The following PRR5L variants were observed in gnomAD, a reference collection of about 807,000 sequenced individuals.
PRR5L encodes proline rich 5 like.
Under a neutral mutation model 36.4 loss-of-function variants are expected in PRR5L, and 21 were observed. That is an observed-to-expected ratio of 0.58 (90% CI 0.41 to 0.83). PRR5L has a LOEUF of 0.83. Among genes scored for constraint, PRR5L ranks in the 40% least tolerant of loss-of-function variants. PRR5L has a pLI of 0.00. For synonymous variants in PRR5L, 188 were observed against 197.0 expected (o/e 0.95, Z 0.38); for missense variants, 381 against 473.3 (o/e 0.80, Z 1.81).
intron 1 of PRR5L, among the ~76,000 whole-genome samples, chr11:36,328,611 T>A (rs1248393920): frequency 6.6e-6 from 1 of 152,172 alleles, no homozygotes; most frequent in African/African-American, 2.4e-5. Flanking sequence ...GCCAATCAGA[T>A]CTTTTTTCTT....
chr11:36,368,336 G>T (rs1021543891), intron 1 of PRR5L, among the ~76,000 whole-genome samples: 2 of 152,044 alleles, frequency 1.3e-5, no homozygotes, highest in African/African-American at 4.8e-5. Flanking sequence ...TTTAGGGAGG[G>T]ATTGTGGTCT....
chr11:36,376,498 G>A, intron 1 of PRR5L: 1 of 1,065,704 alleles, frequency 9.4e-7, no homozygotes, highest in Non-Finnish European at 1.1e-6. Context: ...CCATCTGAGG[G>A]CAGAGCTGGG....
At chr11:36,406,398 C>G (rs1011076798) in intron 3 of PRR5L, among the ~76,000 whole-genome samples, 11 of 152,272 alleles carry the variant, frequency 7.2e-5, no homozygotes, top group African/African-American at 2.6e-4. Flanking sequence ...ACCTTACATT[C>G]TAGCCACACT....
intron 1 of PRR5L, among the ~76,000 whole-genome samples, chr11:36,326,302 TACACACACACACACAC>T (rs3083243): frequency 1.4e-5 from 2 of 147,376 alleles, no homozygotes; most frequent in African/African-American, 5.1e-5. Context: ...CCCCAATAGA[TACACACACACACACAC>T]ACACACACAC....
intron 1 of PRR5L, among the ~76,000 whole-genome samples, chr11:36,363,865 TA>T (rs1327090961): frequency 6.6e-6 from 1 of 152,234 alleles, no homozygotes; most frequent in Non-Finnish European, 1.5e-5. Context: ...CCAGGAAATC[TA>T]AATTGAACAG....
chr11:36,376,220 G>T (rs1857255931), intron 1 of PRR5L: 7 of 1,286,744 alleles, frequency 5.4e-6, no homozygotes, highest in Non-Finnish European at 7.2e-6. Flanking sequence ...AAGGGGAGGA[G>T]GAGTGAGATG....
chr11:36,428,253 G>T (rs958367205), intron 4 of PRR5L, among the ~76,000 whole-genome samples: 7 of 152,218 alleles, frequency 4.6e-5, no homozygotes, highest in African/African-American at 1.7e-4. Context: ...GGCCATGGGT[G>T]AGCTGGGGCT....
chr11:36,435,732 G>T (rs1456084238), intron 5 of PRR5L, among the ~76,000 whole-genome samples: 1 of 152,132 alleles, frequency 6.6e-6, no homozygotes, highest in African/African-American at 2.4e-5. Flanking sequence ...AGGAGCAAAG[G>T]AAAATGTTCA....
rs377337551 is a variant in PRR5L at position 36,451,217 on chromosome 11, C to G, written c.594C>G (p.His198Gln). Residue 198 changes from histidine to glutamine, a missense_variant, in exon 8 of 9, where the codon CAC becomes CAG. By Grantham distance (24) the His-to-Gln change is conservative. Transcript: ENST00000530639. Reference sequence around the variant, plus strand: ...GGCTGTTCATTTTCCAGAGTGTTCACGAGCCCACAGGCCCAAGTGAGAGTT... The same window carrying G: ...GGCTGTTCATTTTCCAGAGTGTTCAGGAGCCCACAGGCCCAAGTGAGAGTT... Reference protein sequence around the residue: ...VQMLLILQSVHEPTGPSESYL... With the variant: ...VQMLLILQSVQEPTGPSESYL... 6.2e-7 allele frequency: 1 copy of G among 1,614,122 alleles called. No homozygotes were observed. The highest frequency in any genetic ancestry group is 1.1e-5 in the South Asian group (1 of 91,084).
At chr11:36,438,935 GAAAT>G (rs996107484) in intron 6 of PRR5L, among the ~76,000 whole-genome samples, 3 of 152,074 alleles carry the variant, frequency 2.0e-5, no homozygotes, top group Non-Finnish European at 2.9e-5. Context: ...ACCCTGTCTC[GAAAT>G]AAATAAATAC....
At chr11:36,384,912 T>C (rs2133533292) in intron 1 of PRR5L, among the ~76,000 whole-genome samples, 1 of 152,008 alleles carries the variant, frequency 6.6e-6, no homozygotes, top group Non-Finnish European at 1.5e-5. Flanking sequence ...CTAAAGGGAT[T>C]CTCCCACTTT....
At chr11:36,440,236 C>CA (rs1858692539) in intron 6 of PRR5L, among the ~76,000 whole-genome samples, 1 of 151,814 alleles carries the variant, frequency 6.6e-6, no homozygotes, top group Admixed American at 6.6e-5. Flanking sequence ...ACCTCCCCCC[C>CA]ACCTATGCTG....
intron 6 of PRR5L, among the ~76,000 whole-genome samples, chr11:36,443,835 T>C (rs1004732385): frequency 1.3e-5 from 2 of 152,040 alleles, no homozygotes; most frequent in Non-Finnish European, 2.9e-5. Flanking sequence ...CTCCTGAGAG[T>C]TGCCTAAGTG....
At chr11:36,450,217 T>C (rs552363653) in intron 7 of PRR5L, among the ~76,000 whole-genome samples, 1 of 152,274 alleles carries the variant, frequency 6.6e-6, no homozygotes, top group South Asian at 2.1e-4. Flanking sequence ...TCCCCTTCAA[T>C]CCCTGAAACA....
chr11:36,356,194 G>A (rs1032212006), intron 1 of PRR5L, among the ~76,000 whole-genome samples: 1 of 152,100 alleles, frequency 6.6e-6, no homozygotes. Flanking sequence ...TTACAGGCAT[G>A]AGCCACCATG....
intron 1 of PRR5L, among the ~76,000 whole-genome samples, chr11:36,353,472 G>A (rs1400243907): frequency 6.6e-6 from 1 of 152,180 alleles, no homozygotes; most frequent in Non-Finnish European, 1.5e-5. Context: ...AATATATTGT[G>A]TATGTACTAT....
intron 5 of PRR5L, among the ~76,000 whole-genome samples, chr11:36,435,036 C>T (rs1345289305): frequency 1.3e-5 from 2 of 152,034 alleles, no homozygotes; most frequent in Non-Finnish European, 2.9e-5. Context: ...TCAAGAGGGC[C>T]TCTGCTTGTC....
At chr11:36,432,029 G>A (rs535411315) in intron 5 of PRR5L, 119 bp downstream of exon 5, 222 of 772,348 alleles carry the variant, frequency 2.9e-4, no homozygotes, top group Admixed American at 1.4e-3. Context: ...CACCCTGTCC[G>A]TTTCCTCCCT....
chr11:36,403,763 T>C (rs1857851556), intron 3 of PRR5L, among the ~76,000 whole-genome samples: 1 of 152,182 alleles, frequency 6.6e-6, no homozygotes, highest in Non-Finnish European at 1.5e-5. Context: ...TTTTACTAAG[T>C]GACTTACCAG....
Sources: gnomAD v4.1 joint callset for allele counts (sites outside exome capture counted in the v4.1 genomes callset) on GRCh38, gnomAD v4.1.1 for gene constraint, MANE v1.5 for transcripts, NCBI Gene and HGNC (gene_info 2026-07-23, HGNC 2026-07-21) for gene names.